PTPRZ1: variants seen among roughly 807,000 people sequenced by gnomAD.
PTPRZ1 encodes the protein protein tyrosine phosphatase receptor type Z1, also known as receptor-type tyrosine-protein phosphatase zeta.
In PTPRZ1, 82 loss-of-function variants were observed where a neutral mutation model predicts 214.1. That is an observed-to-expected ratio of 0.38 (90% CI 0.32 to 0.46). The LOEUF is 0.46. Among genes scored for constraint, PTPRZ1 ranks in the 20% least tolerant of loss-of-function variants. The pLI is 1.00. For missense variants in PTPRZ1, 2,603 were observed against 2,748.7 expected (o/e 0.95, Z 1.19); for synonymous variants, 945 against 987.9 (o/e 0.96, Z 0.81).
At chr7:122,047,891 C>T (rs112237257) in intron 23 of PTPRZ1, among the ~76,000 whole-genome samples, 4 of 152,194 alleles carry the variant, frequency 2.6e-5, no homozygotes, top group South Asian at 2.1e-4. Context: ...TGAGCTCAAT[C>T]GATCTGCCTG....
At position 122,058,940 on chromosome 7, in the gene PTPRZ1, T is replaced by C; in HGVS notation, c.6669T>C (p.Asp2223=). 2 of 1,583,414 alleles carry C rather than the reference T, an allele frequency of 1.3e-6. No individual in the cohort carries two copies. Among genetic ancestry groups the C allele is most frequent in the Middle Eastern group, 3.4e-4 (2 of 5,970 alleles). Residue 2223 remains aspartate (D), a splice_region_variant and synonymous_variant, in exon 28 of 30, where the codon GAT becomes GAC. Coordinates refer to ENST00000393386, the MANE Select transcript of PTPRZ1 (RefSeq NM_002851.3). The stretch of plus-strand genomic sequence containing the variant: ...GGGATGGGCCTATGATTGTTCATGA[T>C]GAGTAAGTTCCATGTGTTAGATGGT... ...ANRDGPMIVH[D]EHGGVTAGTF...
At chr7:121,960,163 C>T (rs1425077061) in intron 2 of PTPRZ1, among the ~76,000 whole-genome samples, 5 of 152,172 alleles carry the variant, frequency 3.3e-5, no homozygotes, top group African/African-American at 4.8e-5. Flanking sequence ...CTCAGCCTCC[C>T]GATTAGCTGT....
chr7:121,979,108 T>C (rs1294844713), intron 6 of PTPRZ1, among the ~76,000 whole-genome samples: 2 of 152,064 alleles, frequency 1.3e-5, no homozygotes, highest in African/African-American at 4.8e-5. Flanking sequence ...ATTCAGATTA[T>C]AAGATCTATC....
At position 121,873,508 on chromosome 7, in the gene PTPRZ1, C is replaced by T; in HGVS notation, c.9C>T (p.Ile3=). The part of the protein sequence containing the change: MR[I]LKRFLACIQL... ...CCGCAGACCGTCTGGAAATGCGAAT[C>T]CTAAAGCGTTTCCTCGCTTGCATTC... Residue 3 remains isoleucine (I), a synonymous_variant, in exon 1 of 30, where the codon ATC becomes ATT. Transcript: ENST00000393386. The T allele has an allele frequency of 6.2e-7, 1 of 1,614,018 alleles. No individual in the cohort carries two copies. The highest frequency in any genetic ancestry group is 8.5e-7 in the Non-Finnish European group (1 of 1,180,042).
At chr7:121,909,988 CA>C (rs1322167805) in intron 1 of PTPRZ1, among the ~76,000 whole-genome samples, 1 of 151,998 alleles carries the variant, frequency 6.6e-6, no homozygotes, top group Non-Finnish European at 1.5e-5. Flanking sequence ...TTTAAAAGGG[CA>C]AAAAATACTG....
chr7:122,035,710 C>G (rs185807494), intron 17 of PTPRZ1, among the ~76,000 whole-genome samples: 48 of 152,280 alleles, frequency 3.2e-4, no homozygotes, highest in African/African-American at 9.4e-4. Flanking sequence ...TGACCTGTTA[C>G]CATCACAGAA....
intron 2 of PTPRZ1, among the ~76,000 whole-genome samples, chr7:121,944,338 T>G (rs772251510): frequency 6.6e-6 from 1 of 152,176 alleles, no homozygotes; most frequent in Non-Finnish European, 1.5e-5. Flanking sequence ...GTGTTTTTCA[T>G]TCTTATATAT....
intron 27 of PTPRZ1, among the ~76,000 whole-genome samples, chr7:122,056,764 C>G (rs1031558523): frequency 1.3e-5 from 2 of 151,790 alleles, no homozygotes; most frequent in African/African-American, 4.8e-5. Flanking sequence ...TGCTCCCTAT[C>G]CCCTTCATCC....
intron 23 of PTPRZ1, among the ~76,000 whole-genome samples, chr7:122,047,358 G>A (rs190357299): frequency 3.3e-5 from 5 of 152,196 alleles, no homozygotes; most frequent in Admixed American, 1.3e-4. Flanking sequence ...TTTATTTGGG[G>A]TTTCTTTGCT....
intron 1 of PTPRZ1, among the ~76,000 whole-genome samples, chr7:121,882,415 C>G (rs1297819925): frequency 6.6e-6 from 1 of 152,044 alleles, no homozygotes; most frequent in Admixed American, 6.6e-5. Flanking sequence ...ATGGATAGAG[C>G]TTCAGGGGTC....
chr7:122,044,274 T>G, intron 22 of PTPRZ1, 148 bp from the exon 23 acceptor site: 1 of 829,130 alleles, frequency 1.2e-6, no homozygotes, highest in African/African-American at 1.7e-5. Flanking sequence ...CTGTCTGACT[T>G]CCTTCCAGGT....
Position 122,012,284 on chromosome 7 carries a change from A to C in PTPRZ1, c.3238A>C (p.Lys1080Gln), listed in dbSNP as rs76373682. ...GCCCAACATGTATGATAATGTAAAT[A>C]AGTTGAATGCGTCTTTACAAGAAAC... ...VMPNMYDNVN[K>Q]LNASLQETSV... Residue 1080 changes from lysine to glutamine, a missense_variant, in exon 12 of 30, where the codon AAG becomes CAG. By Grantham distance (53) the Lys-to-Gln change is moderately conservative. This residue lies in a region of PTPRZ1 where 1,913 missense variants were observed against 1,914.3 expected (regional missense o/e 1.00). Transcript: ENST00000393386. 0.012 allele frequency: 18,725 copies of C among 1,614,158 alleles called. 130 individuals are homozygous for C. Among genetic ancestry groups the C allele is most frequent in the Non-Finnish European group, 0.014 (16,632 of 1,179,998 alleles).
intron 11 of PTPRZ1, among the ~76,000 whole-genome samples, chr7:122,005,051 C>T (rs1334390422): frequency 6.6e-6 from 1 of 151,734 alleles, no homozygotes; most frequent in Non-Finnish European, 1.5e-5. Context: ...AAATAACCAA[C>T]GATTGATAGA....
rs781102473 is a variant in PTPRZ1, at chr7:122,013,186, T to C, written c.4140T>C (p.Ser1380=). 6.2e-7 allele frequency: 1 copy of C among 1,614,154 alleles called. No individual in the cohort carries two copies. Among genetic ancestry groups the C allele is most frequent in the East Asian group, 2.2e-5 (1 of 44,882 alleles). The change falls in exon 12 of 30, where the codon TCT becomes TCC. Residue 1380 remains serine (S), a synonymous_variant. Coordinates refer to ENST00000393386, the MANE Select transcript of PTPRZ1 (RefSeq NM_002851.3). ...GNGHVAITAV[S]PHRDGSVTST... Reference sequence around the variant, plus strand: ...GGCATGTTGCCATTACAGCTGTTTCTCCCCACAGAGATGGTTCTGTAACCT... The same window carrying C: ...GGCATGTTGCCATTACAGCTGTTTCCCCCCACAGAGATGGTTCTGTAACCT...
chr7:121,919,645 A>G lies in PTPRZ1; in HGVS notation c.59-8511A>G, dbSNP rs912966841. Among the ~76,000 whole-genome samples, 9 of 151,944 alleles carry G rather than the reference A, an allele frequency of 5.9e-5. No individual in the cohort carries two copies. The East Asian group carries it at 1.2e-3, about 20-fold the overall frequency. ...TTTATTCCACTTGTAATTTATTTTT[A>G]TGTATGTGTCAAGTACAATTTAATT... On this transcript the variant is annotated intron_variant, in intron 1 of 29. Transcript: ENST00000393386.
chr7:122,054,186 G>T, intron 26 of PTPRZ1, 148 bp downstream of exon 26: 1 of 856,588 alleles, frequency 1.2e-6, no homozygotes, highest in Non-Finnish European at 1.7e-6. Flanking sequence ...CTGCTGTTGG[G>T]CTTGGTTTCA....
In PTPRZ1 at chr7:122,005,777, G is replaced by A. The variant is rs111339587; in HGVS notation, c.1287+1117G>A. On this transcript the variant is annotated intron_variant, in intron 11 of 29. Coordinates refer to ENST00000393386, the MANE Select transcript of PTPRZ1 (RefSeq NM_002851.3). ...ATGTAAGCCCTTTTTTCAGTAATTG[G>A]TGCCATGTATTAAATGATATTCTGT... is the stretch of plus-strand genomic sequence containing the variant. 6.6e-5 allele frequency among the ~76,000 whole-genome samples: 10 copies of A among 151,986 alleles called. 1 individual carries two copies. The highest frequency in any genetic ancestry group is 2.4e-4 in the African/African-American group (10 of 41,496).
intron 2 of PTPRZ1, among the ~76,000 whole-genome samples, chr7:121,952,941 T>TA (rs1796603330): frequency 6.6e-6 from 1 of 152,148 alleles, no homozygotes; most frequent in Non-Finnish European, 1.5e-5. Flanking sequence ...AAAGGGTCAG[T>TA]ATTCAGGCTT....
At position 122,035,449 on chromosome 7, in the gene PTPRZ1, TAAG is replaced by T. The variant is rs1484981088; in HGVS notation, c.5284+1075_5284+1077del. Among the ~76,000 whole-genome samples, 5 of 152,188 alleles carry T rather than the reference TAAG, an allele frequency of 3.3e-5. No individual in the cohort carries two copies. The East Asian group carries it at 5.8e-4, about 18-fold the overall frequency. ...AAATAGAACATACGCATCAGGTAAT[TAAG>T]AAGGAGACAGAGATTAACATTTGAT... On this transcript the variant is annotated intron_variant, in intron 17 of 29. Transcript: ENST00000393386.
Sources: allele counts gnomAD v4.1 joint callset (sites outside exome capture counted in the v4.1 genomes callset), GRCh38; gene constraint gnomAD v4.1.1; regional missense constraint gnomAD v4.1.1; transcripts MANE v1.5; gene names NCBI Gene and HGNC (gene_info 2026-07-23, HGNC 2026-07-21).